RBFOX1: variants seen among roughly 807,000 people sequenced by gnomAD.
RBFOX1 encodes the protein RNA binding protein fox-1 homolog 1.
In RBFOX1, 8 loss-of-function variants were observed where a neutral mutation model predicts 57.7. The ratio of observed to expected loss-of-function variants is 0.14; its 90% CI spans 0.08 to 0.25. The LOEUF is 0.25. RBFOX1 is among the 10% of genes least tolerant of loss of function. The pLI, the probability that RBFOX1 is intolerant of heterozygous loss-of-function variation, is 1.00. For missense variants in RBFOX1, 611 were observed against 548.5 expected, an observed-to-expected ratio of 1.11 and a Z score of -1.14; for synonymous variants, 326 against 222.4, an observed-to-expected ratio of 1.47 and a Z score of -4.15.
At chr16:7,399,095 G>A (rs2098192286) in intron 4 of RBFOX1, among the ~76,000 whole-genome samples, 1 of 152,214 alleles carries the variant, frequency 6.6e-6, no homozygotes, top group Non-Finnish European at 1.5e-5. Context: ...ATATACTCAT[G>A]TAACAAAGCT....
At chr16:7,423,003 T>G (rs1467787501) in intron 4 of RBFOX1, 2 of 152,120 alleles carry the variant, frequency 1.3e-5, no homozygotes, top group African/African-American at 4.8e-5. Flanking sequence ...CCACCCAACC[T>G]CGTGCCGGCT....
intron 2 of RBFOX1, among the ~76,000 whole-genome samples, chr16:6,351,702 C>G (rs150637868): frequency 2.6e-5 from 4 of 152,074 alleles, no homozygotes; most frequent in Non-Finnish European, 5.9e-5. Flanking sequence ...TGTGTGTATA[C>G]TAAATATACA....
chr16:6,561,689 A>G (rs998084533), intron 2 of RBFOX1, among the ~76,000 whole-genome samples: 3 of 152,040 alleles, frequency 2.0e-5, no homozygotes, highest in African/African-American at 7.2e-5. Context: ...CTTTTATGCT[A>G]GTTGCTGGAA....
chr16:6,358,328 T>G (rs187528282), intron 2 of RBFOX1, among the ~76,000 whole-genome samples: 2 of 152,358 alleles, frequency 1.3e-5, no homozygotes, highest in South Asian at 4.1e-4. Flanking sequence ...TACTTTAATA[T>G]GTTAAGTGGT....
At chr16:6,761,510 T>TTTTC (rs2076594581) in intron 3 of RBFOX1, among the ~76,000 whole-genome samples, 1 of 116,154 alleles carries the variant, frequency 8.6e-6, no homozygotes, top group South Asian at 3.6e-4. Flanking sequence ...CTTTTTTTTT[T>TTTTC]TTTTTTTTTT....
chr16:6,168,112 A>T (rs1463680875), intron 1 of RBFOX1, among the ~76,000 whole-genome samples: 1 of 152,140 alleles, frequency 6.6e-6, no homozygotes, highest in African/African-American at 2.4e-5. Context: ...GCACACGCAG[A>T]TTTGCATTTT....
chr16:6,028,344 G>C (rs567615170), intron 1 of RBFOX1, among the ~76,000 whole-genome samples: 1 of 152,066 alleles, frequency 6.6e-6, no homozygotes, highest in South Asian at 2.1e-4. Context: ...TAGTTTCCTT[G>C]AGGGAGAATA....
At chr16:5,782,529 A>C (rs1348539084) in intron 3 of RBFOX1, among the ~76,000 whole-genome samples, 1 of 152,196 alleles carries the variant, frequency 6.6e-6, no homozygotes, top group Non-Finnish European at 1.5e-5. Context: ...ATTTGGGCAA[A>C]TACATCTAGA....
At chr16:6,513,528 G>T (rs2096297581) in intron 2 of RBFOX1, among the ~76,000 whole-genome samples, 1 of 152,272 alleles carries the variant, frequency 6.6e-6, no homozygotes, top group Admixed American at 6.5e-5. Context: ...GAGGTCAGGA[G>T]TTCGAGACCA....
chr16:7,105,915 C>G (rs898285309), intron 4 of RBFOX1, among the ~76,000 whole-genome samples: 8 of 152,056 alleles, frequency 5.3e-5, no homozygotes, highest in Non-Finnish European at 1.2e-4. Flanking sequence ...TATACGTAGA[C>G]AATAGATGCT....
intron 11 of RBFOX1, 53 bp from the exon 12 acceptor site, chr16:7,653,762 G>C (rs1163485253): frequency 6.3e-7 from 1 of 1,598,652 alleles, no homozygotes. Context: ...TCCACAGCAG[G>C]GTGTGCATCT....
intron 2 of RBFOX1, among the ~76,000 whole-genome samples, chr16:6,372,695 G>T (rs984731722): frequency 1.1e-3 from 169 of 151,944 alleles, no homozygotes; most frequent in African/African-American, 3.9e-3. Flanking sequence ...AGGATCTTTG[G>T]ATAGGAGGAT....
At chr16:7,003,306 A>G (rs2093001015) in intron 3 of RBFOX1, among the ~76,000 whole-genome samples, 1 of 152,062 alleles carries the variant, frequency 6.6e-6, no homozygotes, top group South Asian at 2.1e-4. Flanking sequence ...CTAAAAGTGC[A>G]AAAATTAGCT....
At chr16:7,215,788 G>A (rs537673937) in intron 4 of RBFOX1, among the ~76,000 whole-genome samples, 1 of 148,686 alleles carries the variant, frequency 6.7e-6, no homozygotes, top group South Asian at 2.1e-4. Context: ...GCAGTGGCGT[G>A]ATCTCGGCTC....
chr16:5,673,598 A>G (rs893439936), intron 3 of RBFOX1, among the ~76,000 whole-genome samples: 5 of 152,214 alleles, frequency 3.3e-5, no homozygotes, highest in African/African-American at 9.6e-5. Context: ...CATGGAGGGC[A>G]ACTATCTCCA....
intron 4 of RBFOX1, among the ~76,000 whole-genome samples, chr16:5,980,641 G>A (rs1018011794): frequency 2.6e-5 from 4 of 152,132 alleles, no homozygotes; most frequent in African/African-American, 9.7e-5. Context: ...GATAATTTTA[G>A]GTAAGACACT....
At chr16:6,970,603 A>G (rs987563313) in intron 3 of RBFOX1, among the ~76,000 whole-genome samples, 1 of 152,108 alleles carries the variant, frequency 6.6e-6, no homozygotes, top group African/African-American at 2.4e-5. Context: ...GAAGGGAAAA[A>G]GCACTCCCTC....
intron 1 of RBFOX1, among the ~76,000 whole-genome samples, chr16:6,311,344 TTTG>T (rs1227613611): frequency 1.3e-5 from 2 of 150,624 alleles, no homozygotes; most frequent in African/African-American, 4.9e-5. Context: ...GCTTTTGGGT[TTTG>T]TTCTTGTTAG....
At chr16:7,562,120 G>A (rs186125792) in intron 5 of RBFOX1, among the ~76,000 whole-genome samples, 105 of 152,294 alleles carry the variant, frequency 6.9e-4, no homozygotes, top group African/African-American at 2.5e-3. Context: ...TCATTTTTAT[G>A]AGACCATTAA....
Sources: gnomAD v4.1 joint callset for allele counts (sites outside exome capture counted in the v4.1 genomes callset) on GRCh38, gnomAD v4.1.1 for gene constraint, MANE v1.5 for transcripts, NCBI Gene and HGNC (gene_info 2026-07-23, HGNC 2026-07-21) for gene names.